The following NR1D2 variants were observed in gnomAD, a reference collection of about 807,000 sequenced individuals.
The protein encoded by NR1D2 is V-erbA-related protein 1-related.
In NR1D2, 25 loss-of-function variants were observed where a neutral mutation model predicts 52.2. The observed-to-expected ratio is 0.48, with a 90% CI of 0.35 to 0.67. The LOEUF (loss-of-function observed/expected upper bound fraction) is 0.67, where lower values mean the gene tolerates loss of function less well. Among genes scored for constraint, NR1D2 ranks in the 30% least tolerant of loss-of-function variants. The pLI is 0.01. For synonymous variants in NR1D2, 259 were observed against 230.1 expected (o/e 1.13, Z -1.14); for missense variants, 681 against 707.2 (o/e 0.96, Z 0.42).
intron 5 of NR1D2, 42 bp from the exon 6 acceptor site, chr3:23,964,935 A>C: frequency 7.5e-7 from 1 of 1,326,612 alleles, no homozygotes. Flanking sequence ...TTTCTTTACC[A>C]CCTCTTAGTA....
Position 23,968,001 on chromosome 3 carries a change from A to G in NR1D2, c.1521A>G (p.Thr507=), listed in dbSNP as rs1706496263. The G allele has an allele frequency of 6.2e-7, 1 of 1,614,166 alleles. No individual in the cohort carries two copies. ...QLSDEEMSLF[T]AVVLVSADRS... ...GTGATGAAGAGATGAGTTTGTTTAC[A>G]GCTGTTGTCCTGGTATCTGCAGGTA... Residue 507 remains threonine (T), a synonymous_variant, in exon 7 of 8, where the codon ACA becomes ACG. Transcript: ENST00000312521.
Position 23,978,456 on chromosome 3 carries a change from A to G in NR1D2, c.*1037A>G, listed in dbSNP as rs962821702. ...TAAGCAACACTTAATGTAAAAGTGC[A>G]ACAGGCAATTGAATCCAAATTTCAA... On this transcript the variant is annotated 3_prime_UTR_variant, in exon 8 of 8. Coordinates refer to ENST00000312521, the MANE Select transcript of NR1D2 (RefSeq NM_005126.5). The G allele has an allele frequency of 8.6e-5, 13 of 150,918 alleles. No individual in the cohort carries two copies. Among genetic ancestry groups the G allele is most frequent in the Admixed American group, 6.6e-5 (1 of 15,050 alleles). The allele number at this position is 150,918 out of a possible 1,614,324, so 9.3% of individuals were successfully genotyped here.
At chr3:23,946,023 G>A in intron 1 of NR1D2, 1 of 813,176 alleles carries the variant, frequency 1.2e-6, no homozygotes, top group Non-Finnish European at 1.5e-6. Context: ...GGACACGTGG[G>A]GGCGGGGGCG....
intron 7 of NR1D2, among the ~76,000 whole-genome samples, chr3:23,970,407 A>G (rs964621944): frequency 7.9e-5 from 12 of 152,184 alleles, no homozygotes; most frequent in African/African-American, 2.7e-4. Context: ...TGTTTTTGAA[A>G]AAGCCTTTTT....
chr3:23,966,348 T>A (rs541163092), intron 6 of NR1D2, among the ~76,000 whole-genome samples: 4 of 152,380 alleles, frequency 2.6e-5, no homozygotes, highest in African/African-American at 9.6e-5. Context: ...ACATGGTGCT[T>A]AGAACACTTA....
intron 3 of NR1D2, 119 bp downstream of exon 3, chr3:23,956,244 T>C (rs943243624): frequency 4.1e-6 from 3 of 732,252 alleles, no homozygotes; most frequent in Non-Finnish European, 7.3e-6. Flanking sequence ...CTGCTCTTTT[T>C]AAGTTTTAAG....
At chr3:23,964,458 A>G (rs543062269) in intron 5 of NR1D2, among the ~76,000 whole-genome samples, 5 of 152,272 alleles carry the variant, frequency 3.3e-5, no homozygotes, top group East Asian at 1.9e-4. Context: ...AATTCTACCT[A>G]TATAGAAATA....
At chr3:23,947,104 T>G (rs1020084317) in intron 1 of NR1D2, among the ~76,000 whole-genome samples, 29 of 152,220 alleles carry the variant, frequency 1.9e-4, no homozygotes, top group Non-Finnish European at 1.3e-4. Flanking sequence ...ACTTAGCCTT[T>G]GAGGGTATTT....
chr3:23,965,239 T>TC lies in NR1D2; in HGVS notation c.1332+77_1332+78insC. 7.7e-6 allele frequency: 7 copies of TC among 910,872 alleles called. No homozygotes were observed. In the South Asian group the frequency reaches 1.5e-4, roughly 20 times the overall value. The allele number at this position is 910,872 out of a possible 1,614,324, so 56.4% of individuals were successfully genotyped here. The stretch of plus-strand genomic sequence containing the variant: ...ATTTTCATGGATGTTTTAATTCTTT[T>TC]TTTTTTTTTTTTTTTTTTGAGACAG... On this transcript the variant is annotated intron_variant, in intron 6 of 7. Coordinates refer to ENST00000312521, the MANE Select transcript of NR1D2 (RefSeq NM_005126.5).
At chr3:23,959,025 C>G (rs115610970) in intron 3 of NR1D2, among the ~76,000 whole-genome samples, 1,909 of 151,930 alleles carry the variant, frequency 0.013, 36 homozygotes, top group African/African-American at 0.043. Flanking sequence ...TCTAACACTT[C>G]GGGAGGCCAA....
At chr3:23,951,338 C>T (rs1446107117) in intron 1 of NR1D2, among the ~76,000 whole-genome samples, 2 of 152,096 alleles carry the variant, frequency 1.3e-5, no homozygotes, top group African/African-American at 2.4e-5. Context: ...TTTTATTTTC[C>T]TGAGATGTTA....
chr3:23,958,818 A>G (rs1318817992), intron 3 of NR1D2, among the ~76,000 whole-genome samples: 2 of 151,688 alleles, frequency 1.3e-5, no homozygotes, highest in Admixed American at 6.6e-5. Context: ...GTATGGTGGC[A>G]CGTGCCTGTA....
Position 23,965,110 on chromosome 3 carries a change from G to A in NR1D2, c.1280G>A (p.Arg427Lys). 1 of 1,614,022 alleles carries A rather than the reference G, an allele frequency of 6.2e-7. No individual in the cohort carries two copies. The highest frequency in any genetic ancestry group is 8.5e-7 in the Non-Finnish European group (1 of 1,179,970). ...VEFAKRIPGF[R>K]DLSQHDQVNL... is the part of the protein sequence containing the mutation. Reference sequence around the variant, plus strand: ...TTTGCAAAGCGTATTCCTGGGTTCAGAGATCTCTCTCAGCATGACCAGGTC... The same window carrying A: ...TTTGCAAAGCGTATTCCTGGGTTCAAAGATCTCTCTCAGCATGACCAGGTC... The change falls in exon 6 of 8, where the codon AGA becomes AAA. Residue 427 changes from arginine (R) to lysine (K), a missense_variant. Coordinates refer to ENST00000312521, the MANE Select transcript of NR1D2 (RefSeq NM_005126.5).
intron 3 of NR1D2, among the ~76,000 whole-genome samples, chr3:23,957,348 A>AT (rs1276922598): frequency 5.1e-5 from 7 of 137,234 alleles, no homozygotes; most frequent in Admixed American, 5.1e-4. Flanking sequence ...TAGATGTAGC[A>AT]TTTTTTTCAT....
In NR1D2 at chr3:23,953,517, G is replaced by A. The variant is rs558181217; in HGVS notation, c.17-1020G>A. On this transcript the variant is annotated intron_variant, in intron 1 of 7. Transcript: ENST00000312521. ...CTAGCATCTTTAACACCTATAAAGA[G>A]CGAGTCAGAAGAACAAGTAGTGAGT... Among the ~76,000 whole-genome samples, 58 of 152,238 alleles carry A rather than the reference G, an allele frequency of 3.8e-4. No individual in the cohort carries two copies. The South Asian group carries it at 0.012, about 30-fold the overall frequency.
intron 4 of NR1D2, 122 bp downstream of exon 4, chr3:23,959,937 A>T: frequency 3.5e-6 from 3 of 848,970 alleles, no homozygotes. Flanking sequence ...GAAGCAGAAA[A>T]CATATTTTCA....
Position 23,979,464 on chromosome 3 carries a change from C to G in NR1D2, c.*2045C>G, listed in dbSNP as rs1394729250. ...GCCTTTTGCATAAGCCTCTTTATAA[C>G]ATGTATCTTTAAAACAATTAAGTCT... On this transcript the variant is annotated 3_prime_UTR_variant, in exon 8 of 8. Transcript: ENST00000312521. 1 of 151,966 alleles carries G rather than the reference C, an allele frequency of 6.6e-6. No homozygotes were observed. Among genetic ancestry groups the G allele is most frequent in the Admixed American group, 6.5e-5 (1 of 15,268 alleles). 9.4% of individuals were successfully genotyped at this position (151,966 alleles called of 1,614,324 possible).
At position 23,978,920 on chromosome 3, in the gene NR1D2, A is replaced by G. The variant is rs1160401464; in HGVS notation, c.*1501A>G. ...GCATCTGTTTATGGTAGTAGGAGAA[A>G]TAGCCAAAGTTGAGGATTTTATGTA... On this transcript the variant is annotated 3_prime_UTR_variant, in exon 8 of 8. Transcript: ENST00000312521. 1 of 152,134 alleles carries G rather than the reference A, an allele frequency of 6.6e-6. No homozygotes were observed. Among genetic ancestry groups the G allele is most frequent in the African/African-American group, 2.4e-5 (1 of 41,444 alleles). 9.4% of individuals were successfully genotyped at this position (152,134 alleles called of 1,614,324 possible). A position where few individuals can be genotyped will look rare whatever the true frequency, so the allele number is the denominator to read the frequency against.
At chr3:23,965,235 CTTTTTT>C (rs371267256) in intron 6 of NR1D2, 73 bp downstream of exon 6, 124 of 309,050 alleles carry the variant, frequency 4.0e-4, no homozygotes, top group Non-Finnish European at 4.0e-4. Context: ...TGTTTTAATT[CTTTTTT>C]TTTTTTTTTT....
Sources: allele counts gnomAD v4.1 joint callset (sites outside exome capture counted in the v4.1 genomes callset), GRCh38; gene constraint gnomAD v4.1.1; transcripts MANE v1.5; gene names NCBI Gene and HGNC (gene_info 2026-07-23, HGNC 2026-07-21).